The following AP1B1 variants were observed in gnomAD, a reference collection of about 807,000 sequenced individuals.
The protein encoded by AP1B1 is AP-1 complex subunit beta-1.
AP1B1 carries 36 observed loss-of-function variants against 104.3 expected under a neutral mutation model. The ratio of observed to expected loss-of-function variants is 0.35; its 90% confidence interval spans 0.26 to 0.46. AP1B1 has a LOEUF of 0.46. Ranked by LOEUF, AP1B1 falls within the 20% of genes least tolerant of loss-of-function variation. AP1B1 has a pLI of 1.00. For synonymous variants in AP1B1, 504 were observed against 517.5 expected (o/e 0.97, Z 0.35); for missense variants, 901 against 1,247.9 (o/e 0.72, Z 4.19).
intron 2 of AP1B1, among the ~76,000 whole-genome samples, chr22:29,364,873 TA>T (rs891319505): frequency 1.3e-5 from 2 of 152,030 alleles, no homozygotes; most frequent in Non-Finnish European, 2.9e-5. Flanking sequence ...CAAACCCTCC[TA>T]ATTTTTGTAT....
chr22:29,344,672 A>G (rs531533845), intron 11 of AP1B1, among the ~76,000 whole-genome samples: 8 of 151,722 alleles, frequency 5.3e-5, no homozygotes, highest in Non-Finnish European at 1.2e-4. Context: ...TTACAGGCAC[A>G]CACCATCACA....
chr22:29,386,776 C>T (rs1363033845), intron 1 of AP1B1, among the ~76,000 whole-genome samples: 1 of 152,196 alleles, frequency 6.6e-6, no homozygotes, highest in Admixed American at 6.5e-5. Flanking sequence ...GCAGGTCTTT[C>T]TCATGTTGAT....
chr22:29,367,577 G>A (rs1299848532), intron 1 of AP1B1, among the ~76,000 whole-genome samples: 6 of 150,814 alleles, frequency 4.0e-5, no homozygotes, highest in African/African-American at 9.8e-5. Context: ...TGGGATTACA[G>A]GTGTGAGCCA....
At chr22:29,360,077 G>A (rs768599099) in intron 3 of AP1B1, 118 bp from the exon 4 acceptor site, 3 of 1,127,718 alleles carry the variant, frequency 2.7e-6, no homozygotes, top group Non-Finnish European at 3.7e-6. Flanking sequence ...GAGACACACT[G>A]GACTTCCTGG....
rs1442059292 is a variant in AP1B1 at position 29,351,740 on chromosome 22, T to C, written c.1024A>G (p.Met342Val). The C allele has an allele frequency of 6.2e-7, 1 of 1,614,026 alleles. No individual in the cohort carries two copies. The highest frequency in any genetic ancestry group is 1.3e-5 in the African/African-American group (1 of 74,944). ...TTGGCCTGAGAGGCCAGGCGGATCA[T>C]GATGTCCAGCTTCTCCAGCTTCACG... ...IYVKLEKLDI[M>V]IRLASQANIA... Residue 342 changes from methionine to valine, a missense_variant, in exon 8 of 23, where the codon ATG (methionine) becomes GTG (valine). This residue lies in a region of AP1B1 where 471 missense variants were observed against 696.7 expected (regional missense o/e 0.68). Coordinates refer to ENST00000357586, the MANE Select transcript of AP1B1 (RefSeq NM_001127.4).
At chr22:29,359,051 T>C in intron 4 of AP1B1, 80 bp from the exon 5 acceptor site, 1 of 1,402,482 alleles carries the variant, frequency 7.1e-7, no homozygotes, top group Non-Finnish European at 9.6e-7. Context: ...CCTGCAGCTC[T>C]GAGCCCTGCT....
chr22:29,332,040 C>T (rs985059121), intron 17 of AP1B1, 124 bp from the exon 18 acceptor site: 1 of 1,035,636 alleles, frequency 9.7e-7, no homozygotes, highest in Non-Finnish European at 1.4e-6. Context: ...TGCCAGCCTT[C>T]CCATGTTCTG....
intron 5 of AP1B1, among the ~76,000 whole-genome samples, chr22:29,358,025 C>CTT (rs2061987009): frequency 6.6e-6 from 1 of 152,198 alleles, no homozygotes; most frequent in Non-Finnish European, 1.5e-5. Context: ...TTGTTTCCAA[C>CTT]TTTTCTCTGT....
intron 1 of AP1B1, among the ~76,000 whole-genome samples, chr22:29,373,949 GCACTTTGGGA>G (rs1219595464): frequency 1.5e-5 from 2 of 134,722 alleles, no homozygotes; most frequent in African/African-American, 5.5e-5. Flanking sequence ...TGTAATCCCA[GCACTTTGGGA>G]GGCTGAGGGG....
chr22:29,351,593 A>G (rs2061875352), intron 8 of AP1B1, 112 bp downstream of exon 8: 1 of 1,409,822 alleles, frequency 7.1e-7, no homozygotes, highest in Non-Finnish European at 9.6e-7. Flanking sequence ...AACACTCTTC[A>G]TGAGATAAAC....
At chr22:29,362,068 AG>A (rs1312351319) in intron 3 of AP1B1, among the ~76,000 whole-genome samples, 2 of 152,276 alleles carry the variant, frequency 1.3e-5, no homozygotes, top group Admixed American at 1.3e-4. Context: ...CTAGGATTAC[AG>A]GTGTGAGCCA....
At chr22:29,341,891 G>A (rs2061721209) in intron 12 of AP1B1, 131 bp from the exon 13 acceptor site, 13 of 1,103,410 alleles carry the variant, frequency 1.2e-5, no homozygotes, top group South Asian at 3.2e-5. Flanking sequence ...GTGCTCCCAT[G>A]AGCCTGCCCC....
At chr22:29,357,674 G>A (rs1182554927) in intron 5 of AP1B1, among the ~76,000 whole-genome samples, 4 of 148,364 alleles carry the variant, frequency 2.7e-5, no homozygotes, top group African/African-American at 5.0e-5. Context: ...CACTGCGCGC[G>A]GCCTCAGGCA....
At chr22:29,360,661 A>G (rs182890995) in intron 3 of AP1B1, among the ~76,000 whole-genome samples, 287 of 152,360 alleles carry the variant, frequency 1.9e-3, no homozygotes, top group African/African-American at 6.5e-3. Flanking sequence ...CCCATTTCAG[A>G]GAACACTGAG....
intron 1 of AP1B1, among the ~76,000 whole-genome samples, chr22:29,386,764 C>T (rs768355999): frequency 5.3e-5 from 8 of 152,156 alleles, no homozygotes; most frequent in Non-Finnish European, 1.2e-4. Context: ...GACAGGAAGG[C>T]GGCAGGTCTT....
intron 2 of AP1B1, among the ~76,000 whole-genome samples, chr22:29,366,421 G>A (rs1384407672): frequency 6.6e-6 from 1 of 152,094 alleles, no homozygotes; most frequent in Non-Finnish European, 1.5e-5. Flanking sequence ...CGGATCACCT[G>A]AGGTCAGGAG....
chr22:29,332,070 G>C (rs908111367), intron 17 of AP1B1, 154 bp from the exon 18 acceptor site: 3 of 724,586 alleles, frequency 4.1e-6, no homozygotes. Flanking sequence ...CAGAAGGATG[G>C]GCTGTGGGTC....
At position 29,358,808 on chromosome 22, in the gene AP1B1, A is replaced by G. The variant is rs2061999593; in HGVS notation, c.443T>C (p.Leu148Pro). The G allele has an allele frequency of 6.2e-7, 1 of 1,614,064 alleles. No homozygotes were observed. The highest frequency in any genetic ancestry group is 1.3e-5 in the African/African-American group (1 of 74,922). Residue 148 changes from leucine to proline, a missense_variant, in exon 5 of 23, where the codon CTC becomes CCC. Transcript: ENST00000357586. Reference protein sequence around the residue: ...RKTAAVCVAKLHDINAQLVED... With the variant: ...RKTAAVCVAKPHDINAQLVED... ...CACCAGCTGGGCGTTGATGTCGTGG[A>G]GCTTGGCCACGCACACAGCTGCTGT...
intron 7 of AP1B1, among the ~76,000 whole-genome samples, chr22:29,354,261 T>C (rs1205681594): frequency 1.3e-5 from 2 of 152,214 alleles, no homozygotes; most frequent in African/African-American, 4.8e-5. Context: ...AGACAATATC[T>C]AGTTTAATCA....
Sources: allele counts gnomAD v4.1 joint callset (sites outside exome capture counted in the v4.1 genomes callset), GRCh38; gene constraint gnomAD v4.1.1; regional missense constraint gnomAD v4.1.1; transcripts MANE v1.5; gene names NCBI Gene and HGNC (gene_info 2026-07-23, HGNC 2026-07-21).